Variants in SPPL2A observed in about 807,000 individuals in gnomAD.
SPPL2A encodes the protein signal peptide peptidase like 2A, also known as signal peptide peptidase-like 2A.
Under a neutral mutation model 63.8 loss-of-function variants are expected in SPPL2A, and 51 were observed. That is an observed-to-expected ratio of 0.80 (90% CI 0.64 to 1.01). The LOEUF is 1.01. Ranked by LOEUF, SPPL2A falls within the 50% of genes least tolerant of loss-of-function variation. SPPL2A has a pLI of 0.00. For synonymous variants in SPPL2A, 188 were observed against 205.8 expected (o/e 0.91, Z 0.74); for missense variants, 553 against 622.7 (o/e 0.89, Z 1.19).
intron 6 of SPPL2A, among the ~76,000 whole-genome samples, chr15:50,737,334 A>G (rs1367340285): frequency 6.6e-6 from 1 of 152,244 alleles, no homozygotes; most frequent in Non-Finnish European, 1.5e-5. Context: ...AGAGTTGATA[A>G]CAGAAATTAA....
intron 1 of SPPL2A, among the ~76,000 whole-genome samples, chr15:50,755,845 C>G (rs897378599): frequency 2.6e-5 from 4 of 151,824 alleles, no homozygotes; most frequent in African/African-American, 7.3e-5. Flanking sequence ...GTCTCAAACT[C>G]CTGGCCTCAA....
rs905770894 is a variant in SPPL2A, at chr15:50,765,526, G to A, written c.8C>T (p.Pro3Leu). The change falls in exon 1 of 15, where the codon CCG (proline) becomes CTG (leucine). Residue 3 changes from proline to leucine, a missense_variant. Transcript: ENST00000261854. The stretch of plus-strand genomic sequence containing the variant: ...CCCGGCAGGGGACAGCCGCCGCTGC[G>A]GCCCCATCGGACTGGTGGGTGCCGG... MG[P>L]QRRLSPAGAA... The A allele has an allele frequency of 2.5e-5, 38 of 1,498,376 alleles. No homozygotes were observed. Among genetic ancestry groups the A allele is most frequent in the African/African-American group, 4.3e-5 (3 of 69,022 alleles). 92.8% of individuals were successfully genotyped at this position (1,498,376 alleles called of 1,614,324 possible). A position where few individuals can be genotyped will look rare whatever the true frequency, so the allele number is the denominator to read the frequency against.
chr15:50,714,159 C>T (rs977945903), intron 14 of SPPL2A, among the ~76,000 whole-genome samples: 1 of 152,198 alleles, frequency 6.6e-6, no homozygotes, highest in Non-Finnish European at 1.5e-5. Context: ...ATTTTATTAA[C>T]AAAGTTGGCC....
Position 50,765,623 on chromosome 15 carries a change from T to TGGCCG in SPPL2A, c.-95_-91dup, listed in dbSNP as rs1471937714. 1 of 943,842 alleles carries TGGCCG rather than the reference T, an allele frequency of 1.1e-6. No homozygotes were observed. Among genetic ancestry groups the TGGCCG allele is most frequent in the African/African-American group, 1.7e-5 (1 of 57,562 alleles). 58.5% of individuals were successfully genotyped at this position (943,842 alleles called of 1,614,324 possible). Reference sequence around the variant, plus strand: ...GAGTCCCGCCGCTGCGCTGCCTCCGTGGCCGGACCGGACCGGACAGGCGCG... The same window carrying TGGCCG: ...GAGTCCCGCCGCTGCGCTGCCTCCGTGGCCGGGCCGGACCGGACCGGACAGGCGCG... On this transcript the variant is annotated 5_prime_UTR_variant, in exon 1 of 15. Coordinates refer to ENST00000261854, the MANE Select transcript of SPPL2A (RefSeq NM_032802.4).
intron 10 of SPPL2A, among the ~76,000 whole-genome samples, chr15:50,726,621 A>G (rs1452855995): frequency 6.6e-6 from 1 of 152,236 alleles, no homozygotes; most frequent in Admixed American, 6.5e-5. Flanking sequence ...CAAATGAATC[A>G]TGTAAAAATA....
chr15:50,761,080 G>C (rs2141065029), intron 1 of SPPL2A, among the ~76,000 whole-genome samples: 1 of 152,094 alleles, frequency 6.6e-6, no homozygotes, highest in Middle Eastern at 3.4e-3. Context: ...CGTGATCATA[G>C]CTAACTGCAA....
At chr15:50,734,880 C>A (rs1023479420) in intron 8 of SPPL2A, among the ~76,000 whole-genome samples, 6 of 152,072 alleles carry the variant, frequency 3.9e-5, no homozygotes, top group African/African-American at 1.4e-4. Flanking sequence ...CTTTATATAT[C>A]ATAGAGTATA....
intron 1 of SPPL2A, among the ~76,000 whole-genome samples, chr15:50,759,156 A>G (rs1390783026): frequency 6.6e-6 from 1 of 152,094 alleles, no homozygotes; most frequent in Non-Finnish European, 1.5e-5. Flanking sequence ...CTCCTGCCTC[A>G]GCCTCCCGAA....
At chr15:50,740,850 C>T (rs1298188897) in intron 5 of SPPL2A, among the ~76,000 whole-genome samples, 1 of 152,104 alleles carries the variant, frequency 6.6e-6, no homozygotes, top group African/African-American at 2.4e-5. Flanking sequence ...TCAGGCAAAC[C>T]ACCCACCTCA....
At chr15:50,719,322 G>A (rs953046143) in intron 14 of SPPL2A, among the ~76,000 whole-genome samples, 4 of 152,088 alleles carry the variant, frequency 2.6e-5, no homozygotes, top group Admixed American at 1.3e-4. Flanking sequence ...TTGGCTCACT[G>A]CAACCTCTGC....
chr15:50,709,519 C>T (rs547408975), intron 14 of SPPL2A, among the ~76,000 whole-genome samples: 4 of 152,180 alleles, frequency 2.6e-5, no homozygotes, highest in Non-Finnish European at 5.9e-5. Context: ...GGGCCGGGCG[C>T]GGTGGCTCAC....
intron 6 of SPPL2A, among the ~76,000 whole-genome samples, chr15:50,737,928 TG>T (rs1317117506): frequency 6.6e-6 from 1 of 151,720 alleles, no homozygotes; most frequent in East Asian, 2.0e-4. Context: ...AAAAATTAGC[TG>T]GGGGTGGTGC....
chr15:50,712,073 A>G (rs780687128), intron 14 of SPPL2A, among the ~76,000 whole-genome samples: 7 of 152,238 alleles, frequency 4.6e-5, no homozygotes, highest in Non-Finnish European at 8.8e-5. Context: ...ATTGAGCATT[A>G]GAGGTGCACT....
chr15:50,739,624 T>C lies in SPPL2A; in HGVS notation c.733+56A>G, dbSNP rs1289493569. 4 of 1,224,316 alleles carry C rather than the reference T, an allele frequency of 3.3e-6. No individual in the cohort carries two copies. In the African/African-American group the frequency reaches 4.7e-5, roughly 14 times the overall value. 75.8% of individuals were successfully genotyped at this position (1,224,316 alleles called of 1,614,324 possible). Reference sequence around the variant, plus strand: ...TTAAAGGAAAAGATAAATCTAGTAATAGTCAGTGAAAAGAATGTATGTTAA... The same window carrying C: ...TTAAAGGAAAAGATAAATCTAGTAACAGTCAGTGAAAAGAATGTATGTTAA... On this transcript the variant is annotated intron_variant, in intron 6 of 14. Transcript: ENST00000261854.
At chr15:50,735,111 G>A (rs1427830406) in intron 8 of SPPL2A, among the ~76,000 whole-genome samples, 1 of 151,552 alleles carries the variant, frequency 6.6e-6, no homozygotes, top group Non-Finnish European at 1.5e-5. Context: ...CTCCATGTTG[G>A]TCAGGGTGGT....
chr15:50,742,686 C>T (rs971488444), intron 5 of SPPL2A: 1 of 152,154 alleles, frequency 6.6e-6, no homozygotes, highest in Non-Finnish European at 1.5e-5. Flanking sequence ...CTCCCACATA[C>T]ACTTACTTCT....
intron 1 of SPPL2A, chr15:50,764,630 T>C (rs761432278): frequency 4.6e-5 from 7 of 152,032 alleles, no homozygotes; most frequent in Non-Finnish European, 8.8e-5. Flanking sequence ...AACCTGAAAC[T>C]CCCTAAGTAA....
At chr15:50,762,394 A>C (rs2063020214) in intron 1 of SPPL2A, among the ~76,000 whole-genome samples, 1 of 152,082 alleles carries the variant, frequency 6.6e-6, no homozygotes, top group Admixed American at 6.6e-5. Flanking sequence ...AAAAACCCAA[A>C]AAATAAAATG....
chr15:50,727,938 C>A (rs1427179977), intron 10 of SPPL2A, among the ~76,000 whole-genome samples: 2 of 152,158 alleles, frequency 1.3e-5, no homozygotes, highest in Non-Finnish European at 2.9e-5. Flanking sequence ...TGTTCCTAGT[C>A]AGTAGGAACT....
Sources: gnomAD v4.1 joint callset for allele counts (sites outside exome capture counted in the v4.1 genomes callset) on GRCh38, gnomAD v4.1.1 for gene constraint, MANE v1.5 for transcripts, NCBI Gene and HGNC (gene_info 2026-07-23, HGNC 2026-07-21) for gene names.